Variants in CXorf65 observed in about 807,000 individuals in gnomAD.
CXorf65 encodes chromosome X open reading frame 65.
For missense variants in CXorf65, 137 were observed against 144.7 expected, an observed-to-expected ratio of 0.95 and a Z score of 0.27; for synonymous variants, 54 against 51.4, an observed-to-expected ratio of 1.05 and a Z score of -0.21.
At chrX:71,104,589 T>A (rs1022602908) in intron 4 of CXorf65, 180 bp downstream of exon 4, 1 of 501,378 alleles carries the variant, frequency 2.0e-6, no homozygotes, top group African/African-American at 2.4e-5. Context: ...GAGTAACGCA[T>A]GCACATTCCA....
Position 71,104,850 on chromosome X carries a change from C to A in CXorf65, c.251-13G>T. ...TCCAGCCTGGTTCCTGTGAACATAG[C>A]CATGTGCTATCTCCAGCCCCTGTCA... On this transcript the variant is annotated splice_polypyrimidine_tract_variant and intron_variant, in intron 3 of 5. Coordinates refer to ENST00000374251, the MANE Select transcript of CXorf65 (RefSeq NM_001025265.3). 1 of 1,201,893 alleles carries A rather than the reference C, an allele frequency of 8.3e-7. No homozygotes were observed. The highest frequency in any genetic ancestry group is 3.0e-5 in the East Asian group (1 of 33,814).
chrX:71,104,279 C>A lies in CXorf65; in HGVS notation c.426+19G>T. ...GGGAGAGGGGGGTGCTGGGGCAGATCACATTTGGCAAGTCTTACCGGGACA... is the reference window on the plus strand; with the variant it reads ...GGGAGAGGGGGGTGCTGGGGCAGATAACATTTGGCAAGTCTTACCGGGACA... On this transcript the variant is annotated intron_variant, in intron 5 of 5. Transcript: ENST00000374251. The A allele has an allele frequency of 8.6e-7, 1 of 1,158,946 alleles. No individual in the cohort carries two copies. Among genetic ancestry groups the A allele is most frequent in the Non-Finnish European group, 1.2e-6 (1 of 849,017 alleles).
At chrX:71,104,458 CCTGATGCTCCCATT>C in intron 4 of CXorf65, 54 bp from the exon 5 acceptor site, 2 of 799,688 alleles carry the variant, frequency 2.5e-6, no homozygotes, top group Non-Finnish European at 3.6e-6. Flanking sequence ...CCTTACCCTT[CCTGATGCTCCCATT>C]CATTGTTCAA....
rs2092240625 is a variant in CXorf65 at position 71,104,317 on chromosome X, T to C, written c.407A>G (p.Glu136Gly). ...TCTTACCGGGACACTCGCAGGGGGT[T>C]CAATTATAACGACCTTCTTGGCTTC... ...MKEAKKVVII[E>G]PPASVPSKQS... Residue 136 changes from glutamate to glycine, a missense_variant, in exon 5 of 6, where the codon GAA becomes GGA. Coordinates refer to ENST00000374251, the MANE Select transcript of CXorf65 (RefSeq NM_001025265.3). 8.3e-7 allele frequency: 1 copy of C among 1,203,726 alleles called. No homozygotes were observed. Among genetic ancestry groups the C allele is most frequent in the Non-Finnish European group, 1.1e-6 (1 of 890,922 alleles).
intron 3 of CXorf65, among the ~76,000 whole-genome samples, chrX:71,105,474 G>A (rs1375045905): frequency 9.5e-6 from 1 of 105,056 alleles, no homozygotes; most frequent in African/African-American, 3.5e-5. Flanking sequence ...CAGGAGAATC[G>A]CTTGAACCTG....
Position 71,104,806 on chromosome X carries a change from A to C in CXorf65, c.282T>G (p.Phe94Leu). 1 of 1,211,387 alleles carries C rather than the reference A, an allele frequency of 8.3e-7. No individual in the cohort carries two copies. Among genetic ancestry groups the C allele is most frequent in the Non-Finnish European group, 1.1e-6 (1 of 895,209 alleles). ...GTRLENAYRA[F>L]VPLLKNPEPW... Reference sequence around the variant, plus strand: ...GCTCCGGATTCTTGAGGAGAGGCACAAAAGCTCTGTAAGCATTCTCCAGCC... The same window carrying C: ...GCTCCGGATTCTTGAGGAGAGGCACCAAAGCTCTGTAAGCATTCTCCAGCC... The change falls in exon 4 of 6, where the codon TTT becomes TTG. Residue 94 changes from phenylalanine (F) to leucine (L), a missense_variant. Transcript: ENST00000374251.
chrX:71,106,504 C>T (rs2092249614), intron 1 of CXorf65, 28 bp downstream of exon 1: 2 of 1,207,445 alleles, frequency 1.7e-6, no homozygotes, highest in Non-Finnish European at 1.1e-6. Context: ...CCCCCATCCA[C>T]AGACTCTAGT....
At chrX:71,104,260 G>C (rs751167041) in intron 5 of CXorf65, 38 bp downstream of exon 5, 6 of 1,101,405 alleles carry the variant, frequency 5.4e-6, no homozygotes, top group South Asian at 1.9e-5. Context: ...GGTAGGGAGA[G>C]GGGGGTGCTG....
Position 71,104,376 on chromosome X carries a change from C to T in CXorf65, c.348G>A (p.Leu116=). The T allele has an allele frequency of 8.3e-7, 1 of 1,204,087 alleles. No homozygotes were observed. Among genetic ancestry groups the T allele is most frequent in the South Asian group, 1.8e-5 (1 of 56,104 alleles). ...LVALRIQCDA[L]ERRRIQMLKM... is the part of the protein sequence containing the mutation. ...TAAGCATCTGAATTCGTCTCCTCTC[C>T]AGGGCATCACATTGTATGCGCAGTG... is the stretch of plus-strand genomic sequence containing the variant. Residue 116 remains leucine (L), a synonymous_variant, in exon 5 of 6, where the codon CTG becomes CTA. Transcript: ENST00000374251.
chrX:71,104,457 T>C, intron 4 of CXorf65, 53 bp from the exon 5 acceptor site: 1 of 804,272 alleles, frequency 1.2e-6, no homozygotes, highest in Non-Finnish European at 1.8e-6. Flanking sequence ...ACCTTACCCT[T>C]CCTGATGCTC....
In CXorf65 at chrX:71,103,929, A is replaced by T; in HGVS notation, c.*58T>A. ...AAGCCTTAGTGCAGATATTGGGAGA[A>T]GGAGTCTTTCTAGAAAAAGAAATCT... On this transcript the variant is annotated 3_prime_UTR_variant, in exon 6 of 6. Transcript: ENST00000374251. 2 of 1,148,153 alleles carry T rather than the reference A, an allele frequency of 1.7e-6. No individual in the cohort carries two copies. The highest frequency in any genetic ancestry group is 3.6e-5 in the South Asian group (2 of 55,316). 94.6% of individuals were successfully genotyped at this position (1,148,153 alleles called of 1,213,427 possible). A position where few individuals can be genotyped will look rare whatever the true frequency, so the allele number is the denominator to read the frequency against.
chrX:71,105,567 C>CA (rs36081226), intron 3 of CXorf65, among the ~76,000 whole-genome samples: 7,819 of 74,617 alleles, frequency 0.1, 669 homozygotes, highest in African/African-American at 0.22. Flanking sequence ...AACTCTGTCC[C>CA]AAAAAAAAAA....
chrX:71,104,596 T>A (rs1176304471), intron 4 of CXorf65, 173 bp downstream of exon 4: 1 of 510,011 alleles, frequency 2.0e-6, no homozygotes, highest in African/African-American at 2.4e-5. Flanking sequence ...GCATGCACAT[T>A]CCACCTGGTG....
intron 3 of CXorf65, 52 bp downstream of exon 3, chrX:71,105,948 A>T (rs370915407): frequency 2.6e-6 from 3 of 1,155,428 alleles, no homozygotes; most frequent in Non-Finnish European, 3.5e-6. Context: ...AAGGTTCATA[A>T]TCTATCTTGA....
chrX:71,104,257 A>C, intron 5 of CXorf65, 41 bp downstream of exon 5: 1 of 1,111,031 alleles, frequency 9.0e-7, no homozygotes, highest in Non-Finnish European at 1.2e-6. Flanking sequence ...GCTGGTAGGG[A>C]GAGGGGGGTG....
chrX:71,105,779 T>C (rs923228389), intron 3 of CXorf65, among the ~76,000 whole-genome samples: 6 of 110,230 alleles, frequency 5.4e-5, no homozygotes, highest in African/African-American at 2.0e-4. Context: ...TTGGTTGTTT[T>C]TGGTTTTGGT....
rs145856763 is a variant in CXorf65, at chrX:71,106,077, T to C, written c.173A>G (p.Asn58Ser). Residue 58 changes from asparagine to serine, a missense_variant, in exon 3 of 6, where the codon AAT (asparagine) becomes AGT (serine). By Grantham distance (46) the Asn-to-Ser change is conservative (BLOSUM62 1). Transcript: ENST00000374251. Reference protein sequence around the residue: ...KMKMLFLMKPNHAEYASKYLT... With the variant: ...KMKMLFLMKPSHAEYASKYLT... ...GTATTTGCTGGCATACTCTGCATGATTGGGCTTCATCAGGAAAAGCATCTT... is the reference window on the plus strand; with the variant it reads ...GTATTTGCTGGCATACTCTGCATGACTGGGCTTCATCAGGAAAAGCATCTT... 2.2e-5 allele frequency: 26 copies of C among 1,208,946 alleles called. No homozygotes were observed. Among genetic ancestry groups the C allele is most frequent in the African/African-American group, 3.5e-5 (2 of 57,087 alleles).
At chrX:71,104,463 T>A (rs958119757) in intron 4 of CXorf65, 59 bp from the exon 5 acceptor site, 102 of 791,622 alleles carry the variant, frequency 1.3e-4, no homozygotes, top group Non-Finnish European at 1.7e-4. Flanking sequence ...CCCTTCCTGA[T>A]GCTCCCATTC....
rs755085665 is a variant in CXorf65, at chrX:71,104,291, G to A, written c.426+7C>T. On this transcript the variant is annotated splice_region_variant and intron_variant, in intron 5 of 5. Coordinates refer to ENST00000374251, the MANE Select transcript of CXorf65 (RefSeq NM_001025265.3). ...TGCTGGGGCAGATCACATTTGGCAA[G>A]TCTTACCGGGACACTCGCAGGGGGT... is the stretch of plus-strand genomic sequence containing the variant. 8 of 1,187,078 alleles carry A rather than the reference G, an allele frequency of 6.7e-6. No individual in the cohort carries two copies.
Sources: allele counts gnomAD v4.1 joint callset (sites outside exome capture counted in the v4.1 genomes callset), GRCh38; gene constraint gnomAD v4.1.1; transcripts MANE v1.5; gene names NCBI Gene and HGNC (gene_info 2026-07-23, HGNC 2026-07-21).